Variants in CACNB4 observed in about 807,000 individuals in gnomAD.
CACNB4 encodes the protein calcium voltage-gated channel auxiliary subunit beta 4.
Under a neutral mutation model 71.2 loss-of-function variants are expected in CACNB4, and 32 were observed. The observed-to-expected ratio is 0.45, with a 90% CI of 0.34 to 0.60. The LOEUF (loss-of-function observed/expected upper bound fraction) is 0.60. Among genes scored for constraint, CACNB4 ranks in the 20% least tolerant of loss-of-function variants. The probability of loss-of-function intolerance (pLI) is 0.01; values close to 1 mark genes in which losing one functional copy is unlikely to be tolerated. For synonymous variants in CACNB4, 231 were observed against 236.9 expected, an observed-to-expected ratio of 0.97 and a Z score of 0.23; for missense variants, 464 against 647.9, an observed-to-expected ratio of 0.72 and a Z score of 3.08.
chr2:152,087,998 T>C (rs1484818945), intron 2 of CACNB4, among the ~76,000 whole-genome samples: 1 of 152,140 alleles, frequency 6.6e-6, no homozygotes, highest in East Asian at 1.9e-4. Context: ...TCCAAAAAGA[T>C]AGAGAATAGA....
intron 2 of CACNB4, among the ~76,000 whole-genome samples, chr2:152,080,145 G>A (rs543756334): frequency 3.3e-5 from 5 of 149,706 alleles, no homozygotes; most frequent in Non-Finnish European, 7.4e-5. Flanking sequence ...TTTTTGAGGC[G>A]GAGTCTCGCT....
intron 2 of CACNB4, among the ~76,000 whole-genome samples, chr2:151,892,318 C>T (rs1305072926): frequency 6.6e-6 from 1 of 150,652 alleles, no homozygotes; most frequent in Admixed American, 6.6e-5. Context: ...GATACGACAA[C>T]AGGATATATG....
chr2:152,006,788 T>C (rs1194100927), intron 2 of CACNB4, among the ~76,000 whole-genome samples: 3 of 152,200 alleles, frequency 2.0e-5, no homozygotes, highest in South Asian at 2.1e-4. Flanking sequence ...ACCATCGTCA[T>C]GGCAGCTGAA....
chr2:152,044,257 G>C (rs774477307), intron 2 of CACNB4, among the ~76,000 whole-genome samples: 42 of 152,004 alleles, frequency 2.8e-4, no homozygotes, highest in Non-Finnish European at 5.3e-4. Flanking sequence ...GTCTTGCTCT[G>C]TCGCCCAGGT....
At chr2:152,081,469 C>G (rs1000921304) in intron 2 of CACNB4, among the ~76,000 whole-genome samples, 9 of 151,706 alleles carry the variant, frequency 5.9e-5, no homozygotes, top group African/African-American at 2.2e-4. Context: ...CTGGGTAACA[C>G]AGCAAGACCC....
chr2:152,051,484 C>T (rs1055309404), intron 2 of CACNB4, among the ~76,000 whole-genome samples: 7 of 152,064 alleles, frequency 4.6e-5, no homozygotes, highest in African/African-American at 1.4e-4. Context: ...GGAGATGGAG[C>T]GCTCAGGAGG....
At chr2:152,009,402 G>C (rs886157788) in intron 2 of CACNB4, among the ~76,000 whole-genome samples, 1 of 152,078 alleles carries the variant, frequency 6.6e-6, no homozygotes, top group African/African-American at 2.4e-5. Context: ...TTAGGTAAAA[G>C]GTAGGGAAAT....
chr2:151,849,570 C>A (rs569686169), intron 12 of CACNB4, among the ~76,000 whole-genome samples: 1 of 152,282 alleles, frequency 6.6e-6, no homozygotes, highest in African/African-American at 2.4e-5. Context: ...ACCATGCACC[C>A]AGCTCTTTGT....
At chr2:152,002,519 G>C (rs1682484740) in intron 2 of CACNB4, among the ~76,000 whole-genome samples, 1 of 152,164 alleles carries the variant, frequency 6.6e-6, no homozygotes, top group Non-Finnish European at 1.5e-5. Flanking sequence ...AATGTTATTG[G>C]AATCTATTCA....
upstream of CACNB4, chr2:152,099,073 C>G (rs1688450416): frequency 8.4e-7 from 1 of 1,195,870 alleles, no homozygotes; most frequent in Non-Finnish European, 1.2e-6. Flanking sequence ...GCCCCCGAGG[C>G]TGGGCTGCGG....
At position 151,913,348 on chromosome 2, in the gene CACNB4, C is replaced by T. The variant is rs140213570; in HGVS notation, c.148-29978G>A. On this transcript the variant is annotated intron_variant, in intron 2 of 13. Transcript: ENST00000539935. The stretch of plus-strand genomic sequence containing the variant: ...TTAGTGCTTCTCTCAGGAACTCTTA[C>T]AGGGCAGGACTGGGGGTAACAAAAC... Among the ~76,000 whole-genome samples the T allele has an allele frequency of 3.1e-3, 466 of 152,272 alleles. 4 individuals are homozygous for T. The highest frequency in any genetic ancestry group is 0.011 in the African/African-American group (443 of 41,552).
chr2:151,883,333 G>A lies in CACNB4; in HGVS notation c.185C>T (p.Ser62Phe). ...CCGGTCCTCTTCCAAAGAGACATCG[G>A]AGTCAGACGGCCTGCTTGTGTAGGA... ...ADSYTSRPSD[S>F]DVSLEEDREA... The change falls in exon 3 of 14, where the codon TCC becomes TTC. Residue 62 changes from serine (S) to phenylalanine (F), a missense_variant. Physicochemically the swap from Ser to Phe is radical, Grantham distance 155. This residue lies in a region of CACNB4 where 299 missense variants were observed against 471.7 expected (regional missense o/e 0.63). Coordinates refer to ENST00000539935, the MANE Select transcript of CACNB4 (RefSeq NM_000726.5). 6.2e-7 allele frequency: 1 copy of A among 1,613,810 alleles called. No individual in the cohort carries two copies. The highest frequency in any genetic ancestry group is 8.5e-7 in the Non-Finnish European group (1 of 1,179,742).
chr2:151,976,699 G>C (rs775226433), intron 2 of CACNB4, among the ~76,000 whole-genome samples: 2 of 152,102 alleles, frequency 1.3e-5, no homozygotes, highest in Admixed American at 6.5e-5. Context: ...CCTCCCCAGA[G>C]GAACTCTAAG....
At chr2:152,080,813 T>C (rs1027265541) in intron 2 of CACNB4, among the ~76,000 whole-genome samples, 10 of 152,140 alleles carry the variant, frequency 6.6e-5, no homozygotes, top group Non-Finnish European at 1.5e-4. Context: ...GGTGCCCTGC[T>C]CAGGGTAATG....
At chr2:151,981,174 C>A (rs1262929590) in intron 2 of CACNB4, among the ~76,000 whole-genome samples, 1 of 152,206 alleles carries the variant, frequency 6.6e-6, no homozygotes, top group Non-Finnish European at 1.5e-5. Flanking sequence ...TAGTGTAATT[C>A]TTTCATTACA....
At chr2:151,918,517 G>T (rs944337159) in intron 2 of CACNB4, among the ~76,000 whole-genome samples, 1 of 152,194 alleles carries the variant, frequency 6.6e-6, no homozygotes, top group Non-Finnish European at 1.5e-5. Context: ...GGCTCCAGGG[G>T]CTTTCCTTCT....
chr2:152,035,603 TTCTC>T (rs1208555347), intron 2 of CACNB4, among the ~76,000 whole-genome samples: 6 of 69,750 alleles, frequency 8.6e-5, no homozygotes, highest in Admixed American at 1.5e-4. Flanking sequence ...CTCTCTCTCT[TTCTC>T]TCTCTCTCTC....
intron 2 of CACNB4, among the ~76,000 whole-genome samples, chr2:152,015,116 C>T (rs1260997851): frequency 2.6e-5 from 4 of 152,276 alleles, no homozygotes; most frequent in African/African-American, 9.6e-5. Context: ...CATTACTCCC[C>T]TCAACCAGCA....
chr2:151,882,158 C>T (rs180747446), intron 3 of CACNB4, among the ~76,000 whole-genome samples: 255 of 95,864 alleles, frequency 2.7e-3, no homozygotes, highest in African/African-American at 7.3e-3. Context: ...GGATTACAGG[C>T]GTAAGCCACT....
Sources: gnomAD v4.1 joint callset for allele counts (sites outside exome capture counted in the v4.1 genomes callset) on GRCh38, gnomAD v4.1.1 for gene constraint, gnomAD v4.1.1 regional missense constraint, MANE v1.5 for transcripts, NCBI Gene and HGNC (gene_info 2026-07-23, HGNC 2026-07-21) for gene names.